PRKN: variants seen among roughly 807,000 people sequenced by gnomAD.
PRKN encodes the protein E3 ubiquitin-protein ligase parkin.
Under a neutral mutation model 59.5 loss-of-function variants are expected in PRKN, and 56 were observed. That is an observed-to-expected ratio of 0.94 (90% CI 0.76 to 1.18). PRKN has a LOEUF of 1.18. Ranked by LOEUF, PRKN falls within the 50% of genes most tolerant of loss-of-function variation. The pLI is 0.00. For synonymous variants in PRKN, 250 were observed against 222.1 expected (o/e 1.13, Z -1.12); for missense variants, 657 against 596.4 (o/e 1.10, Z -1.06).
In PRKN at chr6:161,381,526, C is replaced by T. The variant is rs138777654; in HGVS notation, c.1167+5268G>A. Among the ~76,000 whole-genome samples the T allele has an allele frequency of 4.7e-4, 71 of 152,276 alleles. 1 individual carries two copies. Among genetic ancestry groups the T allele is most frequent in the African/African-American group, 1.5e-3 (64 of 41,540 alleles). ...TCCCAAGCAAATTATTATATTTATC[C>T]CAAGCAAATGGTGGGTTTATTTTTC... On this transcript the variant is annotated intron_variant, in intron 10 of 11. Transcript: ENST00000366898.
rs1164783575 is a variant in PRKN at position 161,680,749 on chromosome 6, ATATATATATATATATATATATATATATT to A, written c.871+104995_871+105022del. Among the ~76,000 whole-genome samples, 16 of 12,090 alleles carry A rather than the reference ATATATATATATATATATATATATATATT, an allele frequency of 1.3e-3. No homozygotes were observed. In the South Asian group the frequency reaches 0.014, roughly 11 times the overall value. 7.9% of individuals were successfully genotyped at this position (12,090 alleles called of 152,430 possible). A position where few individuals can be genotyped will look rare whatever the true frequency, so the allele number is the denominator to read the frequency against. ...TACATATATATATATATATATATAT[ATATATATATATATATATATATATATATT>A]TTTTTTTTTTTTTCTTTTCCTAAAA... is the stretch of plus-strand genomic sequence containing the variant. On this transcript the variant is annotated intron_variant, in intron 7 of 11. Coordinates refer to ENST00000366898, the MANE Select transcript of PRKN (RefSeq NM_004562.3).
At chr6:162,099,060 G>A (rs943079801) in intron 4 of PRKN, among the ~76,000 whole-genome samples, 1 of 152,146 alleles carries the variant, frequency 6.6e-6, no homozygotes, top group Admixed American at 6.5e-5. Flanking sequence ...TTGGATAACA[G>A]TACATATACA....
intron 2 of PRKN, among the ~76,000 whole-genome samples, chr6:162,371,860 T>C (rs945869340): frequency 6.6e-6 from 1 of 152,204 alleles, no homozygotes; most frequent in Non-Finnish European, 1.5e-5. Context: ...TCCTCAAACA[T>C]GGCAGCCCTG....
At chr6:162,495,291 T>A (rs1458297168) in intron 1 of PRKN, among the ~76,000 whole-genome samples, 1 of 152,198 alleles carries the variant, frequency 6.6e-6, no homozygotes, top group African/African-American at 2.4e-5. Flanking sequence ...TATACAAAAT[T>A]AGAGTTTTTC....
intron 7 of PRKN, among the ~76,000 whole-genome samples, chr6:161,702,536 G>C (rs1457661171): frequency 6.6e-6 from 1 of 152,072 alleles, no homozygotes; most frequent in Non-Finnish European, 1.5e-5. Flanking sequence ...ATGAGAGAAT[G>C]GGGGGAGGGG....
intron 1 of PRKN, 91 bp from the exon 2 acceptor site, chr6:162,443,564 C>T (rs533843719): frequency 5.2e-6 from 6 of 1,160,918 alleles, no homozygotes; most frequent in East Asian, 2.4e-5. Flanking sequence ...CGATTTACCC[C>T]TCGCAGCCCT....
chr6:162,255,135 C>G (rs1779593566), intron 3 of PRKN, among the ~76,000 whole-genome samples: 1 of 134,428 alleles, frequency 7.4e-6, no homozygotes, highest in Admixed American at 7.1e-5. Context: ...AATAAAAACC[C>G]TGACCCCAAA....
At chr6:161,856,361 AAAAT>A (rs113381073) in intron 6 of PRKN, among the ~76,000 whole-genome samples, 1 of 149,348 alleles carries the variant, frequency 6.7e-6, no homozygotes, top group Non-Finnish European at 1.5e-5. Context: ...ATGCCATCTC[AAAAT>A]AAATAAATAA....
At position 161,377,980 on chromosome 6, in the gene PRKN, G is replaced by A. The variant is rs1284913908; in HGVS notation, c.1167+8814C>T. The stretch of plus-strand genomic sequence containing the variant: ...AGTGACAGCAGCCCAAACAGATGAG[G>A]CAGCAGCTGACAGTGGACTGTGTGT... On this transcript the variant is annotated intron_variant, in intron 10 of 11. Transcript: ENST00000366898. This position sits in a 1 kb window ranked among gnomAD's most constrained non-coding sequence, Gnocchi z 4.2. 6.6e-6 allele frequency among the ~76,000 whole-genome samples: 1 copy of A among 152,122 alleles called. No individual in the cohort carries two copies. The highest frequency in any genetic ancestry group is 1.5e-5 in the Non-Finnish European group (1 of 68,020).
intron 1 of PRKN, among the ~76,000 whole-genome samples, chr6:162,586,351 G>C (rs151063552): frequency 1.3e-5 from 2 of 152,098 alleles, no homozygotes; most frequent in Non-Finnish European, 2.9e-5. Flanking sequence ...GCATTAATTC[G>C]AAACTAAAAT....
rs1452738373 is a variant in PRKN at position 161,529,619 on chromosome 6, C to T, written c.1083+19235G>A. On this transcript the variant is annotated intron_variant, in intron 9 of 11. Coordinates refer to ENST00000366898, the MANE Select transcript of PRKN (RefSeq NM_004562.3). This position sits in a 1 kb window ranked among gnomAD's most constrained non-coding sequence, Gnocchi z 4.4. The stretch of plus-strand genomic sequence containing the variant: ...ATATTTGGACGAAGTATAGTCTACT[C>T]ATAGGATTACGGCAACTCAGTTTAA... Among the ~76,000 whole-genome samples, 1 of 152,204 alleles carries T rather than the reference C, an allele frequency of 6.6e-6. No homozygotes were observed. The highest frequency in any genetic ancestry group is 1.5e-5 in the Non-Finnish European group (1 of 68,030).
intron 6 of PRKN, among the ~76,000 whole-genome samples, chr6:161,935,554 CAA>C (rs773798640): frequency 2.2e-4 from 18 of 82,572 alleles, no homozygotes; most frequent in Non-Finnish European, 2.8e-4. Context: ...ACCTTGTTTC[CAA>C]AAAAAAAAAA....
chr6:162,642,714 C>A (rs2803109), intron 1 of PRKN, among the ~76,000 whole-genome samples: 38,365 of 151,454 alleles, frequency 0.25, 5,920 homozygotes, highest in Non-Finnish European at 0.36. Flanking sequence ...ATTGAAATAT[C>A]ATAGAAAAGT....
chr6:162,642,806 T>C (rs904384826), intron 1 of PRKN, among the ~76,000 whole-genome samples: 2 of 152,020 alleles, frequency 1.3e-5, no homozygotes, highest in South Asian at 2.1e-4. Flanking sequence ...ATTGTTTCTT[T>C]TTTAGTAGTT....
intron 6 of PRKN, among the ~76,000 whole-genome samples, chr6:161,933,975 T>C (rs1779262504): frequency 6.6e-6 from 1 of 152,238 alleles, no homozygotes; most frequent in African/African-American, 2.4e-5. Context: ...GGACTTGTGT[T>C]GGTTTATAAT....
At chr6:162,139,273 CTTAA>C (rs1200955753) in intron 4 of PRKN, among the ~76,000 whole-genome samples, 1 of 152,174 alleles carries the variant, frequency 6.6e-6, no homozygotes, top group Non-Finnish European at 1.5e-5. Flanking sequence ...ACTAACACGC[CTTAA>C]TTAACCTATC....
rs528433164 is a variant in PRKN at position 161,440,507 on chromosome 6, G to T, written c.1084-53630C>A. ...TGCTGCCTCTGGGAGGCTGCCTCTC[G>T]GGATAGATTGAATTGTTCTGCAAAG... On this transcript the variant is annotated intron_variant, in intron 9 of 11. Coordinates refer to ENST00000366898, the MANE Select transcript of PRKN (RefSeq NM_004562.3). The surrounding 1 kb of genome is among the most constrained non-coding windows in gnomAD (Gnocchi z 4.1). Among the ~76,000 whole-genome samples, 5 of 152,112 alleles carry T rather than the reference G, an allele frequency of 3.3e-5. No homozygotes were observed. Among genetic ancestry groups the T allele is most frequent in the Admixed American group, 3.3e-4 (5 of 15,276 alleles).
At chr6:162,646,085 G>T (rs1778170898) in intron 1 of PRKN, among the ~76,000 whole-genome samples, 1 of 151,588 alleles carries the variant, frequency 6.6e-6, no homozygotes, top group South Asian at 2.1e-4. Flanking sequence ...TGTTAGCCAG[G>T]ATGGTCTCGA....
chr6:162,410,893 T>C (rs1788323790), intron 2 of PRKN, among the ~76,000 whole-genome samples: 1 of 151,880 alleles, frequency 6.6e-6, no homozygotes, highest in African/African-American at 2.4e-5. Context: ...AAGAAGGAGG[T>C]GACAGGGAAA....
Sources: allele counts gnomAD v4.1 joint callset (sites outside exome capture counted in the v4.1 genomes callset), GRCh38; gene constraint gnomAD v4.1.1; non-coding constraint Gnocchi (gnomAD v3.1); transcripts MANE v1.5; gene names NCBI Gene and HGNC (gene_info 2026-07-23, HGNC 2026-07-21).